Variants in LAPTM4A observed in about 807,000 individuals in gnomAD.
LAPTM4A encodes the protein lysosomal-associated transmembrane protein 4A.
Under a neutral mutation model 29.9 loss-of-function variants are expected in LAPTM4A, and 19 were observed. The observed-to-expected ratio is 0.64, with a 90% CI of 0.44 to 0.93. The LOEUF is 0.93. Ranked by LOEUF, LAPTM4A falls within the 40% of genes least tolerant of loss-of-function variation. The pLI is 0.00. For missense variants in LAPTM4A, 293 were observed against 288.5 expected (o/e 1.02, Z -0.11); for synonymous variants, 105 against 102.1 (o/e 1.03, Z -0.17).
chr2:20,048,337 T>G (rs1447270943), intron 1 of LAPTM4A, among the ~76,000 whole-genome samples: 2 of 152,230 alleles, frequency 1.3e-5, no homozygotes, highest in African/African-American at 4.8e-5. Flanking sequence ...AATTTAAACA[T>G]GAGCTCATTC....
At chr2:20,033,324 A>C (rs528935580) in intron 6 of LAPTM4A, 45 bp from the exon 7 acceptor site, 2 of 1,448,266 alleles carry the variant, frequency 1.4e-6, no homozygotes, top group Non-Finnish European at 1.9e-6. Flanking sequence ...TCTCCTTTAA[A>C]ATCCTTTGTG....
At position 20,051,482 on chromosome 2, in the gene LAPTM4A, C is replaced by T. The variant is rs569252623; in HGVS notation, c.39G>A (p.Arg13=). ...SMSFKRNRSD[R]FYSTRCCGCC... ...AGCCGCAGCACCGGGTGCTGTAGAA[C>T]CGGTCACTGCGGTTCCGCTTGAAAC... The change falls in exon 1 of 7, where the codon CGG becomes CGA. Residue 13 remains arginine, a synonymous_variant. Coordinates refer to ENST00000175091, the MANE Select transcript of LAPTM4A (RefSeq NM_014713.5). 1 of 1,612,730 alleles carries T rather than the reference C, an allele frequency of 6.2e-7. No individual in the cohort carries two copies. Among genetic ancestry groups the T allele is most frequent in the African/African-American group, 1.3e-5 (1 of 75,018 alleles).
chr2:20,043,749 G>A (rs1023326320), intron 1 of LAPTM4A, among the ~76,000 whole-genome samples: 2 of 152,120 alleles, frequency 1.3e-5, no homozygotes, highest in Admixed American at 6.5e-5. Context: ...GTGTATTTAC[G>A]TGTATTACTT....
intron 6 of LAPTM4A, 34 bp from the exon 7 acceptor site, chr2:20,033,313 T>C: frequency 6.6e-7 from 1 of 1,512,402 alleles, no homozygotes; most frequent in Non-Finnish European, 9.2e-7. Context: ...TCAGATTTAA[T>C]TCTCCTTTAA....
At position 20,043,578 on chromosome 2, in the gene LAPTM4A, AAC is replaced by A. The variant is rs1157168898; in HGVS notation, c.112-2569_112-2568del. ...CTCTCCTGTTTCACCTTGAATGATA[AAC>A]ACACAGGAAATGCATTTTCCTTTTA... On this transcript the variant is annotated intron_variant, in intron 1 of 6. Transcript: ENST00000175091. 3.3e-5 allele frequency among the ~76,000 whole-genome samples: 5 copies of A among 152,196 alleles called. No homozygotes were observed. In the East Asian group the frequency reaches 9.6e-4, roughly 29 times the overall value.
intron 4 of LAPTM4A, among the ~76,000 whole-genome samples, chr2:20,036,831 C>T (rs1305689960): frequency 6.6e-6 from 1 of 152,188 alleles, no homozygotes; most frequent in East Asian, 1.9e-4. Context: ...TCACAGGTAA[C>T]ATCTTCATGT....
chr2:20,039,461 A>C (rs1264149034), intron 2 of LAPTM4A, among the ~76,000 whole-genome samples: 2 of 152,230 alleles, frequency 1.3e-5, no homozygotes, highest in Non-Finnish European at 2.9e-5. Context: ...GGCTTTCAAG[A>C]GTCTGCTATG....
At chr2:20,046,582 G>A (rs1048796604) in intron 1 of LAPTM4A, among the ~76,000 whole-genome samples, 10 of 151,118 alleles carry the variant, frequency 6.6e-5, no homozygotes, top group Non-Finnish European at 8.8e-5. Flanking sequence ...CTGCCTCCCC[G>A]GCTCAAGTGA....
chr2:20,034,940 C>A, intron 5 of LAPTM4A, 27 bp downstream of exon 5: 1 of 1,504,580 alleles, frequency 6.6e-7, no homozygotes, highest in Non-Finnish European at 9.2e-7. Flanking sequence ...ATCTCAGTCA[C>A]CCCTAAAGAT....
At chr2:20,046,775 T>A (rs1452272755) in intron 1 of LAPTM4A, among the ~76,000 whole-genome samples, 2 of 145,380 alleles carry the variant, frequency 1.4e-5, no homozygotes, top group African/African-American at 2.5e-5. Context: ...TAATATAATA[T>A]ATAAATATAT....
rs767209700 is a variant in LAPTM4A at position 20,035,071 on chromosome 2, G to T, written c.433-9C>A. On this transcript the variant is annotated splice_polypyrimidine_tract_variant and intron_variant, in intron 4 of 6. Coordinates refer to ENST00000175091, the MANE Select transcript of LAPTM4A (RefSeq NM_014713.5). ...TTGTAGGGAAAATCAGGCTATTAAA[G>T]AAACACACACACATTTACAAGTCAG... 1.3e-6 allele frequency: 2 copies of T among 1,582,446 alleles called. No homozygotes were observed. The highest frequency in any genetic ancestry group is 2.2e-5 in the South Asian group (2 of 89,828).
intron 4 of LAPTM4A, among the ~76,000 whole-genome samples, chr2:20,035,855 T>C (rs2103495307): frequency 6.6e-6 from 1 of 151,960 alleles, no homozygotes. Flanking sequence ...GTTATGCTTG[T>C]TTTTAATGGA....
chr2:20,035,305 C>A, intron 4 of LAPTM4A: 1 of 442,426 alleles, frequency 2.3e-6, no homozygotes, highest in East Asian at 4.0e-5. Flanking sequence ...AAATTTAGCT[C>A]GTTTTCTCTT....
At position 20,037,548 on chromosome 2, in the gene LAPTM4A, C is replaced by T. The variant is rs369046538; in HGVS notation, c.299G>A (p.Gly100Glu). The change falls in exon 3 of 7, where the codon GGA (glycine) becomes GAA (glutamate). Residue 100 changes from glycine (G) to glutamate (E), a missense_variant. Transcript: ENST00000175091. Reference sequence around the variant, plus strand: ...ATACAGTATACTTACAGAAATTGCTCCATAAACCAGCATTGAACTGATTAT... The same window carrying T: ...ATACAGTATACTTACAGAAATTGCTTCATAAACCAGCATTGAACTGATTAT... ...MFIISSMLVY[G>E]AISYQVGWLI... 6.2e-7 allele frequency: 1 copy of T among 1,609,510 alleles called. No homozygotes were observed. The highest frequency in any genetic ancestry group is 8.5e-7 in the Non-Finnish European group (1 of 1,178,074).
In LAPTM4A at chr2:20,037,406, A is replaced by G. The variant is rs756626052; in HGVS notation, c.342T>C (p.Cys114=). Residue 114 remains cysteine, a synonymous_variant, in exon 4 of 7, where the codon TGT becomes TGC. Coordinates refer to ENST00000175091, the MANE Select transcript of LAPTM4A (RefSeq NM_014713.5). ...YQVGWLIPFF[C]YRLFDFVLSC... The stretch of plus-strand genomic sequence containing the variant: ...TGAGGACGAAGTCAAAAAGTCGGTA[A>G]CAGAAGAATGGAATCAGCCAACCCA... 1 of 1,612,932 alleles carries G rather than the reference A, an allele frequency of 6.2e-7. No individual in the cohort carries two copies. Among genetic ancestry groups the G allele is most frequent in the Non-Finnish European group, 8.5e-7 (1 of 1,179,594 alleles).
chr2:20,033,040 C>G lies in LAPTM4A; in HGVS notation c.*165G>C. Reference sequence around the variant, plus strand: ...AAGACTTAACAAAAAAACAAAAAGACGTTTAACAGATGTCAAAAAGCTCCT... The same window carrying G: ...AAGACTTAACAAAAAAACAAAAAGAGGTTTAACAGATGTCAAAAAGCTCCT... On this transcript the variant is annotated 3_prime_UTR_variant, in exon 7 of 7. Coordinates refer to ENST00000175091, the MANE Select transcript of LAPTM4A (RefSeq NM_014713.5). 1 of 615,014 alleles carries G rather than the reference C, an allele frequency of 1.6e-6. No homozygotes were observed. Among genetic ancestry groups the G allele is most frequent in the South Asian group, 2.2e-5 (1 of 46,304 alleles). The allele number at this position is 615,014 out of a possible 1,614,324, so 38.1% of individuals were successfully genotyped here. A position where few individuals can be genotyped will look rare whatever the true frequency, so the allele number is the denominator to read the frequency against.
chr2:20,046,687 A>G (rs1420528448), intron 1 of LAPTM4A, among the ~76,000 whole-genome samples: 1 of 146,448 alleles, frequency 6.8e-6, no homozygotes, highest in African/African-American at 2.5e-5. Context: ...GTGTGTGTGT[A>G]TATATATTTT....
intron 2 of LAPTM4A, among the ~76,000 whole-genome samples, chr2:20,038,055 T>C (rs1181409539): frequency 6.6e-6 from 1 of 152,192 alleles, no homozygotes; most frequent in African/African-American, 2.4e-5. Context: ...GTCTTATGAG[T>C]AGGGTTTAGC....
Position 20,040,981 on chromosome 2 carries a change from T to C in LAPTM4A, c.142A>G (p.Thr48Ala), listed in dbSNP as rs1258780685. ...GAGTTTGGATGAGTCACTTCCACAG[T>C]CAGCAAAATTGCCATCAATAGGTTT... Reference protein sequence around the residue: ...VVNLLMAILLTVEVTHPNSMP... With the variant: ...VVNLLMAILLAVEVTHPNSMP... The change falls in exon 2 of 7, where the codon ACT becomes GCT. Residue 48 changes from threonine to alanine, a missense_variant. Thr to Ala is a moderately conservative substitution (Grantham distance 58). Transcript: ENST00000175091. 6.2e-7 allele frequency: 1 copy of C among 1,613,786 alleles called. No individual in the cohort carries two copies. Among genetic ancestry groups the C allele is most frequent in the South Asian group, 1.1e-5 (1 of 91,068 alleles).
Sources: gnomAD v4.1 joint callset for allele counts (sites outside exome capture counted in the v4.1 genomes callset) on GRCh38, gnomAD v4.1.1 for gene constraint, MANE v1.5 for transcripts, NCBI Gene and HGNC (gene_info 2026-07-23, HGNC 2026-07-21) for gene names.